Variants in RGL1 observed in about 807,000 individuals in gnomAD.
RGL1 encodes the protein ral guanine nucleotide dissociation stimulator like 1.
In RGL1, 24 loss-of-function variants were observed where a neutral mutation model predicts 95.2. The ratio of observed to expected loss-of-function variants is 0.25; its 90% CI spans 0.18 to 0.35. The LOEUF (loss-of-function observed/expected upper bound fraction) is 0.35, where lower values mean the gene tolerates loss of function less well. Ranked by LOEUF, RGL1 falls within the 10% of genes least tolerant of loss-of-function variation. The pLI, the probability that RGL1 is intolerant of heterozygous loss-of-function variation, is 1.00. For missense variants in RGL1, 715 were observed against 936.3 expected (o/e 0.76, Z 3.08); for synonymous variants, 329 against 344.9 (o/e 0.95, Z 0.51).
At position 183,880,707 on chromosome 1, in the gene RGL1, G is replaced by T. The variant is rs775504258; in HGVS notation, c.517G>T (p.Asp173Tyr). 1.2e-6 allele frequency: 2 copies of T among 1,613,914 alleles called. No homozygotes were observed. Among genetic ancestry groups the T allele is most frequent in the East Asian group, 2.2e-5 (1 of 44,878 alleles). ...PHFPCLQKLL[D>Y]YLTRMMPGSD... is the part of the protein sequence containing the mutation. ...CTTCCCTTGCTTACAGAAACTGCTG[G>T]ATTATCTCACACGGATGATGCCGGG... The change falls in exon 5 of 18, where the codon GAT becomes TAT. Residue 173 changes from aspartate to tyrosine, a missense_variant. By Grantham distance (160) the Asp-to-Tyr change is radical (BLOSUM62 -3). Transcript: ENST00000360851.
intron 1 of RGL1, among the ~76,000 whole-genome samples, chr1:183,733,949 C>T (rs1656781870): frequency 6.6e-6 from 1 of 152,210 alleles, no homozygotes; most frequent in African/African-American, 2.4e-5. Context: ...CATGCTCTCC[C>T]AGAAGTGTTT....
intron 2 of RGL1, among the ~76,000 whole-genome samples, chr1:183,823,906 C>T (rs982290907): frequency 6.6e-6 from 1 of 152,124 alleles, no homozygotes; most frequent in African/African-American, 2.4e-5. Flanking sequence ...CCTGTCTCAG[C>T]CTCCTGGATG....
chr1:183,748,294 T>G (rs1440459006), intron 2 of RGL1, among the ~76,000 whole-genome samples: 1 of 151,914 alleles, frequency 6.6e-6, no homozygotes, highest in African/African-American at 2.4e-5. Context: ...ATTCATTGAG[T>G]TTTTGTGTCT....
At chr1:183,763,799 A>G (rs1030592699) in intron 2 of RGL1, among the ~76,000 whole-genome samples, 1 of 152,182 alleles carries the variant, frequency 6.6e-6, no homozygotes, top group African/African-American at 2.4e-5. Flanking sequence ...GTAGACTTTT[A>G]TTGTTATTGA....
chr1:183,637,544 AT>A (rs1444844334), intron 1 of RGL1, among the ~76,000 whole-genome samples: 3 of 152,230 alleles, frequency 2.0e-5, no homozygotes, highest in African/African-American at 7.2e-5. Flanking sequence ...GTTCAAAAAA[AT>A]ACATATATAA....
intron 2 of RGL1, among the ~76,000 whole-genome samples, chr1:183,756,105 G>C (rs1382862860): frequency 1.3e-5 from 2 of 151,796 alleles, no homozygotes; most frequent in Non-Finnish European, 2.9e-5. Flanking sequence ...GGCTGGTCTT[G>C]AACTCCTGCC....
intron 1 of RGL1, among the ~76,000 whole-genome samples, chr1:183,662,159 G>T (rs535707932): frequency 0.053 from 7,832 of 147,814 alleles, 318 homozygotes; most frequent in African/African-American, 0.13. Flanking sequence ...ACAAGACAGG[G>T]ATGCCCTCTC....
chr1:183,805,430 A>G (rs1661225375), intron 1 of RGL1, 106 bp downstream of exon 1: 5 of 961,714 alleles, frequency 5.2e-6, no homozygotes, highest in Non-Finnish European at 8.2e-6. Flanking sequence ...GAGCAATCCG[A>G]TTCCATACTT....
intron 2 of RGL1, among the ~76,000 whole-genome samples, chr1:183,763,629 T>C (rs1229927996): frequency 2.0e-5 from 3 of 152,196 alleles, no homozygotes; most frequent in Non-Finnish European, 4.4e-5. Context: ...AAGAGGTTGG[T>C]CTCCAGAGAC....
intron 3 of RGL1, among the ~76,000 whole-genome samples, chr1:183,855,164 C>A (rs145656391): frequency 1.4e-3 from 219 of 152,262 alleles, no homozygotes; most frequent in African/African-American, 5.1e-3. Context: ...GAAGGTCCAG[C>A]AGTGAACATT....
rs1656210756 is a variant in RGL1, at chr1:183,724,714, C to T, written c.-32-17412C>T. 6.6e-6 allele frequency among the ~76,000 whole-genome samples: 1 copy of T among 152,148 alleles called. No homozygotes were observed. The highest frequency in any genetic ancestry group is 1.5e-5 in the Non-Finnish European group (1 of 68,018). On this transcript the variant is annotated intron_variant, in intron 1 of 18. Coordinates refer to the RGL1 transcript ENST00000304685. The surrounding 1 kb of genome is among the most constrained non-coding windows in gnomAD (Gnocchi z 4.1). ...AGGCCCTGGCTCCTGGATGGTATCTCTGGACCTGCCTGGGGCCTGGGGGGA... is the reference window on the plus strand; with the variant it reads ...AGGCCCTGGCTCCTGGATGGTATCTTTGGACCTGCCTGGGGCCTGGGGGGA...
At chr1:183,902,689 A>G in intron 12 of RGL1, 89 bp downstream of exon 12, 1 of 1,278,932 alleles carries the variant, frequency 7.8e-7, no homozygotes, top group Non-Finnish European at 1.1e-6. Flanking sequence ...AGAGGCAGAA[A>G]AAAATGAGTT....
intron 2 of RGL1, among the ~76,000 whole-genome samples, chr1:183,785,272 C>T (rs1048099913): frequency 2.6e-5 from 4 of 152,206 alleles, no homozygotes; most frequent in East Asian, 1.9e-4. Context: ...AAACTATTTT[C>T]GGTCCACCCG....
intron 2 of RGL1, among the ~76,000 whole-genome samples, chr1:183,819,193 A>G (rs1219308221): frequency 6.6e-6 from 1 of 152,224 alleles, no homozygotes; most frequent in Non-Finnish European, 1.5e-5. Flanking sequence ...TGTCAAGCCA[A>G]TAAGGCTTTG....
At position 183,718,248 on chromosome 1, in the gene RGL1, A is replaced by G. The variant is rs76240642; in HGVS notation, c.-32-23878A>G. Among the ~76,000 whole-genome samples, 416 of 150,130 alleles carry G rather than the reference A, an allele frequency of 2.8e-3. 4 individuals carry two copies. The highest frequency in any genetic ancestry group is 8.4e-3 in the African/African-American group (344 of 40,964). On this transcript the variant is annotated intron_variant, in intron 1 of 18. Coordinates refer to the RGL1 transcript ENST00000304685. ...GACTTGGTCTCAAAAAAAAAAAAAA[A>G]AGAGAGAGAGAGAGAGCTTGTTTAT...
chr1:183,733,009 G>A (rs916352208), intron 1 of RGL1, among the ~76,000 whole-genome samples: 11 of 152,102 alleles, frequency 7.2e-5, no homozygotes, highest in African/African-American at 2.7e-4. Context: ...GGACTATCGA[G>A]GTTAAATTCA....
chr1:183,857,046 G>T (rs553618865), intron 3 of RGL1, among the ~76,000 whole-genome samples: 1 of 152,300 alleles, frequency 6.6e-6, no homozygotes, highest in African/African-American at 2.4e-5. Flanking sequence ...TGGAATTAAG[G>T]TTACTAATCA....
At chr1:183,721,620 T>G (rs1386775941) in intron 1 of RGL1, among the ~76,000 whole-genome samples, 1 of 152,256 alleles carries the variant, frequency 6.6e-6, no homozygotes, top group Non-Finnish European at 1.5e-5. Context: ...GATCTTTGGA[T>G]AACCTGCTAT....
At chr1:183,757,910 T>C (rs530629420) in intron 2 of RGL1, among the ~76,000 whole-genome samples, 46 of 152,344 alleles carry the variant, frequency 3.0e-4, no homozygotes, top group African/African-American at 1.1e-3. Context: ...TAAATCACTC[T>C]AATTTTACAT....
Sources: gnomAD v4.1 joint callset for allele counts (sites outside exome capture counted in the v4.1 genomes callset) on GRCh38, gnomAD v4.1.1 for gene constraint, Gnocchi (gnomAD v3.1) non-coding constraint, MANE v1.5 for transcripts, NCBI Gene and HGNC (gene_info 2026-07-23, HGNC 2026-07-21) for gene names.